Variants in USH1C observed in about 807,000 individuals in gnomAD.
The protein encoded by USH1C is harmonin.
In USH1C, 90 loss-of-function variants were observed where a neutral mutation model predicts 119.3. The ratio of observed to expected loss-of-function variants is 0.75; its 90% CI spans 0.64 to 0.90. The LOEUF (loss-of-function observed/expected upper bound fraction) is 0.90, where lower values mean the gene tolerates loss of function less well. USH1C is among the 40% of genes least tolerant of loss of function. The pLI is 0.00. For missense variants in USH1C, 1,165 were observed against 1,167.7 expected (o/e 1.00, Z 0.03); for synonymous variants, 465 against 443.3 (o/e 1.05, Z -0.62).
intron 1 of USH1C, among the ~76,000 whole-genome samples, chr11:17,538,655 C>T (rs936441102): frequency 6.6e-6 from 1 of 152,154 alleles, no homozygotes; most frequent in African/African-American, 2.4e-5. Context: ...CCTTTCATGC[C>T]TCCAGCCTTC....
rs1205662320 is a variant in USH1C at position 17,527,009 on chromosome 11, C to T, written c.521+7G>A. On this transcript the variant is annotated splice_region_variant and intron_variant, in intron 6 of 26. Transcript: ENST00000005226. ...AAGAGTTGGCCTGCAGAGGAGGGGC[C>T]TCTCACCTTTTCACGGGGATCAGGC... is the stretch of plus-strand genomic sequence containing the variant. 6.4e-7 allele frequency: 1 copy of T among 1,564,042 alleles called. No homozygotes were observed. The highest frequency in any genetic ancestry group is 8.7e-7 in the Non-Finnish European group (1 of 1,153,190).
At position 17,505,828 on chromosome 11, in the gene USH1C, A is replaced by C; in HGVS notation, c.2133+2T>G. ...AACCTGGAGGGGACCCAAGGGGCTT[A>C]CCAGAACTTCAGATTTCACAGCTGG... On this transcript the variant is annotated splice_donor_variant, in intron 19 of 26. Coordinates refer to ENST00000005226, the MANE Select transcript of USH1C (RefSeq NM_153676.4). LOFTEE classifies it high-confidence loss of function. 1 of 1,614,022 alleles carries C rather than the reference A, an allele frequency of 6.2e-7. No individual in the cohort carries two copies. Among genetic ancestry groups the C allele is most frequent in the Non-Finnish European group, 8.5e-7 (1 of 1,179,910 alleles).
In USH1C at chr11:17,523,191, C is replaced by T. The variant is rs559288917; in HGVS notation, c.876+20G>A. On this transcript the variant is annotated intron_variant, in intron 11 of 26. Coordinates refer to ENST00000005226, the MANE Select transcript of USH1C (RefSeq NM_153676.4). Reference sequence around the variant, plus strand: ...GGGGATGAAGGTCAAGGGGCTCCCACCAGCTCATTCTGGACTTACAGCTGC... The same window carrying T: ...GGGGATGAAGGTCAAGGGGCTCCCATCAGCTCATTCTGGACTTACAGCTGC... The T allele has an allele frequency of 6.2e-6, 10 of 1,613,972 alleles. No homozygotes were observed. Among genetic ancestry groups the T allele is most frequent in the Non-Finnish European group, 5.1e-6 (6 of 1,179,950 alleles).
At chr11:17,544,044 C>T (rs2133973276) in intron 1 of USH1C, among the ~76,000 whole-genome samples, 1 of 152,348 alleles carries the variant, frequency 6.6e-6, no homozygotes, top group Admixed American at 6.5e-5. Context: ...GAAAGGCTGG[C>T]AGAAGATCGA....
rs1364331716 is a variant in USH1C at position 17,527,332 on chromosome 11, C to T, written c.388-1G>A. On this transcript the variant is annotated splice_acceptor_variant, in intron 4 of 26. Coordinates refer to ENST00000005226, the MANE Select transcript of USH1C (RefSeq NM_153676.4). LOFTEE classifies it high-confidence loss of function. ...TGATCCGGACGATCTCGTCCCCTACCTTGACCACAGAGAGAGGCAGGGAGC... is the reference window on the plus strand; with the variant it reads ...TGATCCGGACGATCTCGTCCCCTACTTTGACCACAGAGAGAGGCAGGGAGC... 6.2e-7 allele frequency: 1 copy of T among 1,609,708 alleles called. No homozygotes were observed. Among genetic ancestry groups the T allele is most frequent in the East Asian group, 2.2e-5 (1 of 44,824 alleles).
intron 20 of USH1C, among the ~76,000 whole-genome samples, chr11:17,502,405 C>G (rs1400251731): frequency 6.6e-6 from 1 of 152,198 alleles, no homozygotes; most frequent in Non-Finnish European, 1.5e-5. Context: ...GTGTCTCCAC[C>G]CAGTGCTCTG....
chr11:17,497,446 A>C lies in USH1C; in HGVS notation c.2491-633T>G, dbSNP rs150266518. Among the ~76,000 whole-genome samples the C allele has an allele frequency of 1.8e-4, 28 of 152,320 alleles. No individual in the cohort carries two copies. In the East Asian group the frequency reaches 2.9e-3, roughly 16 times the overall value. On this transcript the variant is annotated intron_variant, in intron 24 of 26. Coordinates refer to ENST00000005226, the MANE Select transcript of USH1C (RefSeq NM_153676.4). The stretch of plus-strand genomic sequence containing the variant: ...ATCCAATCCAGGTCTTCCCTCAAGA[A>C]TCAGAGAGAACACTTCTGCTCCCTC...
At chr11:17,501,224 C>T in intron 22 of USH1C, 74 bp from the exon 23 acceptor site, 2 of 1,259,218 alleles carry the variant, frequency 1.6e-6, no homozygotes, top group Non-Finnish European at 2.3e-6. Flanking sequence ...CAAGGAGTCT[C>T]TTGACAGAGC....
At chr11:17,512,635 T>C (rs560026304) in intron 15 of USH1C, among the ~76,000 whole-genome samples, 2 of 152,220 alleles carry the variant, frequency 1.3e-5, no homozygotes, top group South Asian at 4.2e-4. Flanking sequence ...CTAGAAGTGA[T>C]AGGAGTCACA....
chr11:17,496,875 A>G (rs1443512295), intron 24 of USH1C, 62 bp from the exon 25 acceptor site: 1 of 1,590,020 alleles, frequency 6.3e-7, no homozygotes, highest in Non-Finnish European at 8.6e-7. Flanking sequence ...CTGCCCCGGC[A>G]CTCCATCCCC....
At chr11:17,515,547 G>A (rs1381520127) in intron 15 of USH1C, among the ~76,000 whole-genome samples, 3 of 152,140 alleles carry the variant, frequency 2.0e-5, no homozygotes, top group Non-Finnish European at 2.9e-5. Context: ...GATTTATGCT[G>A]CTGCCTGACC....
At position 17,520,947 on chromosome 11, in the gene USH1C, C is replaced by T. The variant is rs550843060; in HGVS notation, c.1133G>A (p.Trp378Ter). 1 of 1,614,124 alleles carries T rather than the reference C, an allele frequency of 6.2e-7. No individual in the cohort carries two copies. The highest frequency in any genetic ancestry group is 1.7e-5 in the Admixed American group (1 of 60,026). Reference protein sequence around the residue: ...EKFKKQWEEDWGSKEQLLLPK... With the variant: ...EKFKKQWEED ...CAAGAGTAGCTGTTCCTTTGAGCCC[C>T]AGTCTTCTTCCCATTGCTTCTTAAA... The change falls in exon 14 of 27, where the codon TGG (tryptophan) becomes TAG (stop). Residue 378 changes from tryptophan to a stop codon, truncating the protein, a stop_gained. Transcript: ENST00000005226. LOFTEE classifies it high-confidence loss of function.
At chr11:17,539,155 G>A (rs1333520975) in intron 1 of USH1C, among the ~76,000 whole-genome samples, 1 of 152,070 alleles carries the variant, frequency 6.6e-6, no homozygotes, top group African/African-American at 2.4e-5. Flanking sequence ...GCCTCTTCTT[G>A]GCCAAGTCTT....
Position 17,510,523 on chromosome 11 carries a change from T to A in USH1C, c.1414-2A>T, listed in dbSNP as rs770675635. On this transcript the variant is annotated splice_acceptor_variant, in intron 16 of 26. Coordinates refer to ENST00000005226, the MANE Select transcript of USH1C (RefSeq NM_153676.4). LOFTEE classifies it high-confidence loss of function. ...GTCTTCCCGCTCTGTCTCAGACACC[T>A]GGGACCCAGGATCGGCGCAGAAAGG... 108 of 1,612,318 alleles carry A rather than the reference T, an allele frequency of 6.7e-5. No individual in the cohort carries two copies. The highest frequency in any genetic ancestry group is 8.7e-5 in the Non-Finnish European group (103 of 1,178,506).
Position 17,501,462 on chromosome 11 carries a change from G to A in USH1C, c.2280+20C>T, listed in dbSNP as rs1849442684. The stretch of plus-strand genomic sequence containing the variant: ...CACAGAGAGGGATGGCGGCCCACCG[G>A]CCTCCACATGCCCAGGTACCTTCTT... On this transcript the variant is annotated intron_variant, in intron 22 of 26. Coordinates refer to ENST00000005226, the MANE Select transcript of USH1C (RefSeq NM_153676.4). 1 of 1,611,066 alleles carries A rather than the reference G, an allele frequency of 6.2e-7. No individual in the cohort carries two copies. The highest frequency in any genetic ancestry group is 8.5e-7 in the Non-Finnish European group (1 of 1,178,674).
chr11:17,523,952 G>C (rs1455135465), intron 9 of USH1C, among the ~76,000 whole-genome samples: 1 of 152,184 alleles, frequency 6.6e-6, no homozygotes, highest in Admixed American at 6.5e-5. Context: ...CCATCTTACA[G>C]GTAAGCAAAC....
chr11:17,496,239 G>A (rs866493652), intron 25 of USH1C, among the ~76,000 whole-genome samples: 1 of 152,148 alleles, frequency 6.6e-6, no homozygotes, highest in Non-Finnish European at 1.5e-5. Context: ...CAGGACACAA[G>A]AGACAGACAC....
chr11:17,517,010 C>T (rs894482907), intron 14 of USH1C, among the ~76,000 whole-genome samples: 6 of 152,168 alleles, frequency 3.9e-5, no homozygotes, highest in Admixed American at 2.6e-4. Flanking sequence ...TTACCCACCC[C>T]GGACCAGCCT....
intron 15 of USH1C, among the ~76,000 whole-genome samples, chr11:17,514,931 T>C (rs1850071689): frequency 6.6e-6 from 1 of 152,024 alleles, no homozygotes; most frequent in Non-Finnish European, 1.5e-5. Flanking sequence ...TGATTTCTGA[T>C]GGGAGGTGGT....
Sources: allele counts gnomAD v4.1 joint callset (sites outside exome capture counted in the v4.1 genomes callset), GRCh38; gene constraint gnomAD v4.1.1; transcripts MANE v1.5; gene names NCBI Gene and HGNC (gene_info 2026-07-23, HGNC 2026-07-21).